The following CLNS1A variants were observed in gnomAD, a reference collection of about 807,000 sequenced individuals.
CLNS1A encodes chloride nucleotide-sensitive channel 1A.
CLNS1A carries 16 observed loss-of-function variants against 29.4 expected under a neutral mutation model. That is an observed-to-expected ratio of 0.54 (90% CI 0.37 to 0.83). The LOEUF (loss-of-function observed/expected upper bound fraction) is 0.83. Ranked by LOEUF, CLNS1A falls within the 40% of genes least tolerant of loss-of-function variation. The pLI is 0.00. For synonymous variants in CLNS1A, 96 were observed against 104.8 expected, an observed-to-expected ratio of 0.92 and a Z score of 0.51; for missense variants, 235 against 287.4, an observed-to-expected ratio of 0.82 and a Z score of 1.32.
At chr11:77,627,469 G>T (rs2135770277) in intron 2 of CLNS1A, among the ~76,000 whole-genome samples, 1 of 151,096 alleles carries the variant, frequency 6.6e-6, no homozygotes, top group East Asian at 1.9e-4. Context: ...AGGAACTGGA[G>T]AATTAGTGAA....
At chr11:77,632,559 T>C (rs1037593081) in intron 1 of CLNS1A, among the ~76,000 whole-genome samples, 1 of 152,208 alleles carries the variant, frequency 6.6e-6, no homozygotes, top group East Asian at 1.9e-4. Context: ...ACTGGGATTA[T>C]GCATTCTATA....
chr11:77,622,041 A>C, intron 5 of CLNS1A: 1 of 456,304 alleles, frequency 2.2e-6, no homozygotes, highest in Non-Finnish European at 4.4e-6. Flanking sequence ...GGGTGTGTGT[A>C]TACCTGAAGA....
At chr11:77,619,435 G>A (rs2135759243) in intron 6 of CLNS1A, 171 bp downstream of exon 6, 1 of 572,662 alleles carries the variant, frequency 1.7e-6, no homozygotes, top group South Asian at 2.1e-5. Context: ...GGGAGGGTGA[G>A]GCAGGTGGAT....
chr11:77,621,455 C>G (rs1261213807), intron 5 of CLNS1A, among the ~76,000 whole-genome samples: 1 of 152,036 alleles, frequency 6.6e-6, no homozygotes, highest in Non-Finnish European at 1.5e-5. Flanking sequence ...ATACTTTAAG[C>G]CAACATGGTG....
At chr11:77,622,217 T>C (rs775786608) in intron 5 of CLNS1A, among the ~76,000 whole-genome samples, 2 of 152,194 alleles carry the variant, frequency 1.3e-5, no homozygotes, top group Non-Finnish European at 2.9e-5. Context: ...TAATAGTGGA[T>C]ATCTCTCAGT....
intron 6 of CLNS1A, 118 bp downstream of exon 6, chr11:77,619,488 C>T (rs1244657564): frequency 1.4e-6 from 1 of 699,670 alleles, no homozygotes; most frequent in Non-Finnish European, 2.5e-6. Flanking sequence ...CATGCCACTG[C>T]ACTCTAGCCT....
chr11:77,637,050 C>A (rs1275487633), intron 1 of CLNS1A, among the ~76,000 whole-genome samples: 2 of 151,274 alleles, frequency 1.3e-5, no homozygotes, highest in African/African-American at 4.9e-5. Context: ...CTTACTATAC[C>A]TACAGAAGAA....
intron 3 of CLNS1A, 52 bp from the exon 4 acceptor site, chr11:77,625,122 C>T (rs762102529): frequency 7.7e-7 from 1 of 1,305,552 alleles, no homozygotes; most frequent in African/African-American, 1.5e-5. Flanking sequence ...TAAAAGTAAC[C>T]ATCAGTGCAA....
chr11:77,622,735 A>G (rs1958974952), intron 4 of CLNS1A, 62 bp from the exon 5 acceptor site: 2 of 1,290,562 alleles, frequency 1.5e-6, no homozygotes, highest in African/African-American at 1.5e-5. Flanking sequence ...AATGGAATCA[A>G]TAATATATCT....
intron 4 of CLNS1A, among the ~76,000 whole-genome samples, chr11:77,623,000 G>A (rs1958978983): frequency 6.7e-6 from 1 of 149,694 alleles, no homozygotes; most frequent in Non-Finnish European, 1.5e-5. Flanking sequence ...TGTCCAAATA[G>A]GCTTCCAGGA....
chr11:77,636,089 G>C (rs1459014901), intron 1 of CLNS1A, among the ~76,000 whole-genome samples: 1 of 142,394 alleles, frequency 7.0e-6, no homozygotes, highest in Non-Finnish European at 1.5e-5. Context: ...TTTTTTTTTT[G>C]AGACAGGGTC....
rs1181401171 is a variant in CLNS1A at position 77,617,115 on chromosome 11, C to T, written c.*23-420G>A. 6.4e-4 allele frequency among the ~76,000 whole-genome samples: 97 copies of T among 152,084 alleles called. 1 individual carries two copies. The highest frequency in any genetic ancestry group is 1.0e-4 in the Non-Finnish European group (7 of 68,020). On this transcript the variant is annotated intron_variant, in intron 6 of 6. Transcript: ENST00000525428. ...AGGTGTGGTGGCTCACACCTGTAAT[C>T]CCAGCACTTTGGGAGGCCAAGGCAG... is the stretch of plus-strand genomic sequence containing the variant.
At position 77,619,666 on chromosome 11, in the gene CLNS1A, C is replaced by T. The variant is rs1958937491; in HGVS notation, c.676G>A (p.Val226Ile). 1.2e-6 allele frequency: 2 copies of T among 1,613,878 alleles called. No individual in the cohort carries two copies. The highest frequency in any genetic ancestry group is 1.3e-5 in the African/African-American group (1 of 74,928). ...TCTGCATCCTCAAACTGTCCAGCAA[C>T]TGTTGGTGTGGTATCCACCTCCATC... ...DGMEVDTTPT[V>I]AGQFEDADVD... Residue 226 changes from valine (V) to isoleucine (I), a missense_variant, in exon 6 of 7, where the codon GTT becomes ATT. Coordinates refer to ENST00000525428, the MANE Select transcript of CLNS1A (RefSeq NM_001293.3).
chr11:77,628,186 T>G (rs1291689436), intron 2 of CLNS1A, among the ~76,000 whole-genome samples: 4 of 152,238 alleles, frequency 2.6e-5, no homozygotes, highest in Non-Finnish European at 5.9e-5. Context: ...TTAAATGCTA[T>G]TTCCTAAGCC....
intron 5 of CLNS1A, among the ~76,000 whole-genome samples, chr11:77,620,980 T>TTAAATAAA (rs772177956): frequency 6.6e-6 from 1 of 151,484 alleles, no homozygotes; most frequent in Non-Finnish European, 1.5e-5. Flanking sequence ...AGACTCCGTC[T>TTAAATAAA]TAAATAAATA....
intron 5 of CLNS1A, 111 bp from the exon 6 acceptor site, chr11:77,619,806 C>CT: frequency 1.3e-6 from 1 of 747,000 alleles, no homozygotes; most frequent in Non-Finnish European, 2.3e-6. Context: ...GTAAGAATTG[C>CT]TTTTTCCTCT....
intron 3 of CLNS1A, 105 bp from the exon 4 acceptor site, chr11:77,625,175 T>C: frequency 1.4e-6 from 1 of 731,640 alleles, no homozygotes; most frequent in South Asian, 1.9e-5. Context: ...ATTTACAAAA[T>C]CTGCCAAATT....
intron 2 of CLNS1A, among the ~76,000 whole-genome samples, chr11:77,629,518 T>C (rs993530117): frequency 2.0e-5 from 3 of 151,932 alleles, no homozygotes; most frequent in African/African-American, 7.3e-5. Context: ...CTCAGTCTCC[T>C]GAGTAGCTGG....
At chr11:77,617,555 T>A (rs1234269709) in intron 6 of CLNS1A, among the ~76,000 whole-genome samples, 17 of 145,310 alleles carry the variant, frequency 1.2e-4, no homozygotes, top group Middle Eastern at 4.1e-3. Context: ...AAAAAAAAAA[T>A]GTACAGACAT....
Sources: allele counts gnomAD v4.1 joint callset (sites outside exome capture counted in the v4.1 genomes callset), GRCh38; gene constraint gnomAD v4.1.1; transcripts MANE v1.5; gene names NCBI Gene and HGNC (gene_info 2026-07-23, HGNC 2026-07-21).